C12orf42: variants seen among roughly 807,000 people sequenced by gnomAD.
C12orf42 encodes the protein uncharacterized protein C12orf42.
A neutral mutation model predicts 21.6 loss-of-function variants in C12orf42; 25 were observed. That is an observed-to-expected ratio of 1.16 (90% CI 0.84 to 1.62). The LOEUF (loss-of-function observed/expected upper bound fraction) is 1.62, where lower values mean the gene tolerates loss of function less well. Ranked by LOEUF, C12orf42 falls within the 40% of genes most tolerant of loss-of-function variation. The pLI, the probability that C12orf42 is intolerant of heterozygous loss-of-function variation, is 0.00. For synonymous variants in C12orf42, 174 were observed against 175.0 expected, an observed-to-expected ratio of 0.99 and a Z score of 0.05; for missense variants, 483 against 459.3, an observed-to-expected ratio of 1.05 and a Z score of -0.47.
intron 5 of C12orf42, among the ~76,000 whole-genome samples, chr12:103,270,982 G>T (rs2035442476): frequency 6.6e-6 from 1 of 152,022 alleles, no homozygotes; most frequent in Non-Finnish European, 1.5e-5. Flanking sequence ...TGAAATACAG[G>T]ACAAAACCAA....
chr12:103,454,382 A>C (rs1397208552), intron 2 of C12orf42, among the ~76,000 whole-genome samples: 1 of 152,142 alleles, frequency 6.6e-6, no homozygotes, highest in African/African-American at 2.4e-5. Flanking sequence ...TAAGTCATTA[A>C]GAAAGATGTT....
the C12orf42 span, among the ~76,000 whole-genome samples, chr12:103,181,133 A>G: frequency 6.6e-6 from 1 of 151,866 alleles, no homozygotes; most frequent in Admixed American, 6.5e-5. Flanking sequence ...ATGGTGGCAC[A>G]CACCTGTAGT....
chr12:103,054,101 A>G, the C12orf42 span, among the ~76,000 whole-genome samples: 1 of 151,888 alleles, frequency 6.6e-6, no homozygotes, highest in Non-Finnish European at 1.5e-5. Context: ...ATTTTAGAAT[A>G]ATCTTGTCTA....
chr12:103,208,926 A>T, the C12orf42 span, among the ~76,000 whole-genome samples: 1 of 152,162 alleles, frequency 6.6e-6, no homozygotes, highest in Admixed American at 6.6e-5. Context: ...TCCTTTTTCT[A>T]ATCTCCTCAT....
rs568999980 is a variant in C12orf42 at position 103,403,412 on chromosome 12, T to C, written c.79-1737A>G. Among the ~76,000 whole-genome samples, 4 of 149,618 alleles carry C rather than the reference T, an allele frequency of 2.7e-5. No homozygotes were observed. The East Asian group carries it at 7.8e-4, about 29-fold the overall frequency. On this transcript the variant is annotated intron_variant, in intron 2 of 5. Coordinates refer to ENST00000548883, the MANE Select transcript of C12orf42 (RefSeq NM_198521.5). ...AAAAAGAAAAAGGATGCAGGGGCAC[T>C]ATCCTGTCATCCCAAAAGGAATGTG...
chr12:103,467,916 A>G (rs1045643578), intron 2 of C12orf42, among the ~76,000 whole-genome samples: 3 of 152,132 alleles, frequency 2.0e-5, no homozygotes, highest in Non-Finnish European at 2.9e-5. Flanking sequence ...CCTGTGGGGT[A>G]TTCTACCTAT....
At chr12:103,453,608 C>T (rs1952095827) in intron 2 of C12orf42, among the ~76,000 whole-genome samples, 1 of 151,862 alleles carries the variant, frequency 6.6e-6, no homozygotes, top group African/African-American at 2.4e-5. Context: ...CCTTTTGCTC[C>T]TTATTTCCCT....
the C12orf42 span, among the ~76,000 whole-genome samples, chr12:103,222,338 G>T: frequency 6.6e-6 from 1 of 151,634 alleles, no homozygotes; most frequent in African/African-American, 2.4e-5. Flanking sequence ...GCTCAGTGGG[G>T]GTGCTTTTTG....
chr12:103,204,191 G>A, the C12orf42 span, among the ~76,000 whole-genome samples: 2 of 152,126 alleles, frequency 1.3e-5, no homozygotes, highest in Non-Finnish European at 2.9e-5. Flanking sequence ...TAGCCAATGA[G>A]ATGGCTTTAA....
chr12:103,165,867 C>A, the C12orf42 span, among the ~76,000 whole-genome samples: 1 of 151,910 alleles, frequency 6.6e-6, no homozygotes, highest in African/African-American at 2.4e-5. Flanking sequence ...ATGGTGAAAC[C>A]CCATCTCTAC....
At chr12:103,175,981 C>T in the C12orf42 span, among the ~76,000 whole-genome samples, 108 of 152,270 alleles carry the variant, frequency 7.1e-4, no homozygotes, top group Non-Finnish European at 1.2e-3. Flanking sequence ...GATCCTCCAT[C>T]GAGACCACTG....
chr12:103,226,614 G>T, the C12orf42 span, among the ~76,000 whole-genome samples: 1 of 152,192 alleles, frequency 6.6e-6, no homozygotes, highest in Admixed American at 6.5e-5. Flanking sequence ...GGGAGGGCTA[G>T]TCACGGAAAG....
At chr12:103,103,984 G>A in the C12orf42 span, among the ~76,000 whole-genome samples, 1 of 151,972 alleles carries the variant, frequency 6.6e-6, no homozygotes, top group Non-Finnish European at 1.5e-5. Context: ...TTATTATGTG[G>A]CTACTATATG....
intron 3 of C12orf42, among the ~76,000 whole-genome samples, chr12:103,377,193 G>A (rs941153637): frequency 2.0e-5 from 3 of 151,892 alleles, no homozygotes; most frequent in African/African-American, 7.3e-5. Flanking sequence ...ATATTGTTTG[G>A]TTCCCTGTGT....
At chr12:103,169,616 C>T in the C12orf42 span, among the ~76,000 whole-genome samples, 1 of 152,084 alleles carries the variant, frequency 6.6e-6, no homozygotes, top group Non-Finnish European at 1.5e-5. Flanking sequence ...ATTACTTTTT[C>T]AAAACCTGTA....
chr12:103,366,710 C>G lies in C12orf42; in HGVS notation c.259+2177G>C, dbSNP rs541909470. On this transcript the variant is annotated intron_variant, in intron 4 of 5. Transcript: ENST00000548883. ...TGGCCAACAAACATATGAAAAAATG[C>G]TCAACAACACTAATAATCAGGGAAA... Among the ~76,000 whole-genome samples the G allele has an allele frequency of 5.3e-5, 8 of 152,028 alleles. No homozygotes were observed. In the East Asian group the frequency reaches 1.5e-3, roughly 29 times the overall value.
the C12orf42 span, among the ~76,000 whole-genome samples, chr12:103,562,936 G>T: frequency 6.6e-6 from 1 of 152,160 alleles, no homozygotes; most frequent in African/African-American, 2.4e-5. Flanking sequence ...TTTAACCATT[G>T]CCTCTGACAT....
the C12orf42 span, among the ~76,000 whole-genome samples, chr12:103,522,097 C>T: frequency 6.6e-6 from 1 of 152,248 alleles, no homozygotes; most frequent in East Asian, 1.9e-4. Flanking sequence ...GCAATAATCC[C>T]CACATGTCAA....
the C12orf42 span, among the ~76,000 whole-genome samples, chr12:103,544,178 C>T: frequency 3.3e-5 from 5 of 152,074 alleles, no homozygotes; most frequent in South Asian, 6.2e-4. Context: ...CCACCGTGCC[C>T]GGCCTAGAAT....
Sources: allele counts gnomAD v4.1 joint callset (sites outside exome capture counted in the v4.1 genomes callset), GRCh38; gene constraint gnomAD v4.1.1; transcripts MANE v1.5; gene names NCBI Gene and HGNC (gene_info 2026-07-23, HGNC 2026-07-21).